Variants in EPB41L3 observed in about 807,000 individuals in gnomAD.
The protein encoded by EPB41L3 is erythrocyte membrane protein band 4.1 like 3.
In EPB41L3, 57 loss-of-function variants were observed where a neutral mutation model predicts 127.1. That is an observed-to-expected ratio of 0.45 (90% CI 0.36 to 0.56). The LOEUF is 0.56. Among genes scored for constraint, EPB41L3 ranks in the 20% least tolerant of loss-of-function variants. EPB41L3 has a pLI of 0.00. For missense variants in EPB41L3, 1,273 were observed against 1,372.2 expected, an observed-to-expected ratio of 0.93 and a Z score of 1.14; for synonymous variants, 572 against 549.5, an observed-to-expected ratio of 1.04 and a Z score of -0.57.
intron 1 of EPB41L3, among the ~76,000 whole-genome samples, chr18:5,538,736 C>T (rs1568534472): frequency 6.6e-6 from 1 of 152,168 alleles, no homozygotes; most frequent in South Asian, 2.1e-4. Context: ...CTCCATGACA[C>T]CAATTAGAGC....
rs762786244 is a variant in EPB41L3, at chr18:5,433,880, A to G, written c.824+23T>C. On this transcript the variant is annotated intron_variant, in intron 7 of 22. Coordinates refer to ENST00000341928, the MANE Select transcript of EPB41L3 (RefSeq NM_012307.5). ...ACTCTCCCATCAAGGCACAACTTAA[A>G]TGAACACCTTTCTGCCTCTAACCTG... 5.0e-6 allele frequency: 8 copies of G among 1,612,858 alleles called. No homozygotes were observed. The East Asian group carries it at 1.3e-4, about 27-fold the overall frequency.
intron 14 of EPB41L3, among the ~76,000 whole-genome samples, chr18:5,408,646 G>T (rs1191025215): frequency 1.4e-5 from 2 of 140,580 alleles, no homozygotes; most frequent in Non-Finnish European, 3.1e-5. Flanking sequence ...AACTAAGAAA[G>T]TTTTTTTTTT....
chr18:5,566,869 G>T lies in EPB41L3; in HGVS notation c.-306+45471C>A, dbSNP rs765901365. On this transcript the variant is annotated intron_variant, in intron 3 of 21. Coordinates refer to the EPB41L3 transcript ENST00000545076. The stretch of plus-strand genomic sequence containing the variant: ...TGCCCAGGCTTGAGAGTGCAGTGGC[G>T]CCAACGGCTCACTGCAACCTCTGCC... Among the ~76,000 whole-genome samples, 3 of 151,488 alleles carry T rather than the reference G, an allele frequency of 2.0e-5. No individual in the cohort carries two copies. The South Asian group carries it at 6.3e-4, about 32-fold the overall frequency.
intron 11 of EPB41L3, among the ~76,000 whole-genome samples, chr18:5,421,947 C>T (rs549581289): frequency 6.6e-6 from 1 of 152,106 alleles, no homozygotes; most frequent in African/African-American, 2.4e-5. Context: ...TGGCCAAAAA[C>T]CGACTGCTTG....
chr18:5,419,347 G>C (rs2077195113), intron 12 of EPB41L3, among the ~76,000 whole-genome samples: 1 of 152,132 alleles, frequency 6.6e-6, no homozygotes, highest in Non-Finnish European at 1.5e-5. Flanking sequence ...GCTGTACTTG[G>C]GTAGGAGAAT....
chr18:5,549,109 C>G (rs1250048708), upstream of EPB41L3, among the ~76,000 whole-genome samples: 1 of 152,348 alleles, frequency 6.6e-6, no homozygotes, highest in East Asian at 1.9e-4. Flanking sequence ...ATGCTATCTC[C>G]TCTTTAGGAA....
chr18:5,424,235 G>A, intron 10 of EPB41L3, 27 bp downstream of exon 10: 1 of 1,484,808 alleles, frequency 6.7e-7, no homozygotes, highest in South Asian at 1.3e-5. Context: ...TATTCCTTAG[G>A]GAAAAAACAA....
chr18:5,573,711 C>T (rs571344143), intron 3 of EPB41L3, among the ~76,000 whole-genome samples: 1 of 152,206 alleles, frequency 6.6e-6, no homozygotes, highest in African/African-American at 2.4e-5. Flanking sequence ...GGACCCTCAT[C>T]CCATGTAGAA....
Position 5,405,665 on chromosome 18 carries a change from G to A in EPB41L3, c.2349+1112C>T, listed in dbSNP as rs115770197. 7.9e-3 allele frequency among the ~76,000 whole-genome samples: 1,209 copies of A among 152,100 alleles called. 15 individuals carry two copies. Among genetic ancestry groups the A allele is most frequent in the African/African-American group, 0.028 (1,142 of 41,494 alleles). On this transcript the variant is annotated intron_variant, in intron 16 of 22. Coordinates refer to ENST00000341928, the MANE Select transcript of EPB41L3 (RefSeq NM_012307.5). ...AAATTAGCCAAGTGTGGTGGTGCCT[G>A]CTTGTAGTCCCAGCTACCCAGGAGG...
intron 1 of EPB41L3, among the ~76,000 whole-genome samples, chr18:5,494,317 A>G (rs1360977099): frequency 6.6e-6 from 1 of 152,016 alleles, no homozygotes; most frequent in African/African-American, 2.4e-5. Context: ...CCTAACTCCA[A>G]TCCACCTCAC....
intron 2 of EPB41L3, among the ~76,000 whole-genome samples, chr18:5,613,802 G>A (rs893868901): frequency 6.6e-6 from 1 of 152,192 alleles, no homozygotes; most frequent in Middle Eastern, 3.4e-3. Flanking sequence ...TTTACCCGAA[G>A]CTATTTTTGT....
upstream of EPB41L3, among the ~76,000 whole-genome samples, chr18:5,544,824 G>A (rs1363006404): frequency 6.6e-6 from 1 of 152,150 alleles, no homozygotes; most frequent in Non-Finnish European, 1.5e-5. Context: ...GATAATGCTT[G>A]AAGGATAGAT....
chr18:5,472,747 G>A (rs7237985), intron 3 of EPB41L3, among the ~76,000 whole-genome samples: 46,153 of 152,052 alleles, frequency 0.3, 7,106 homozygotes, highest in East Asian at 0.33. Flanking sequence ...GGAAGGCTAC[G>A]ATGTTGAATC....
intron 3 of EPB41L3, among the ~76,000 whole-genome samples, chr18:5,447,448 C>T (rs1026232640): frequency 4.4e-5 from 5 of 114,104 alleles, no homozygotes; most frequent in East Asian, 2.8e-4. Context: ...AGCTAGACTA[C>T]TTTTTTTTTT....
rs1555804088 is a variant in EPB41L3 at position 5,566,788 on chromosome 18, T to TTCCATTCC, written c.-306+45551_-306+45552insGGAATGGA. ...TATTCTATTCTATTCTATTCTATTC[T>TTCCATTCC]ATTCCATTCCATTCCATTCTAATTT... On this transcript the variant is annotated intron_variant, in intron 3 of 21. Coordinates refer to the EPB41L3 transcript ENST00000545076. 9.1e-4 allele frequency among the ~76,000 whole-genome samples: 102 copies of TTCCATTCC among 112,512 alleles called. 2 individuals are homozygous for TTCCATTCC. Among genetic ancestry groups the TTCCATTCC allele is most frequent in the Middle Eastern group, 4.9e-3 (1 of 204 alleles). 73.8% of individuals were successfully genotyped at this position (112,512 alleles called of 152,430 possible). A position where few individuals can be genotyped will look rare whatever the true frequency, so the allele number is the denominator to read the frequency against.
chr18:5,548,182 C>T (rs569070230), upstream of EPB41L3, among the ~76,000 whole-genome samples: 5 of 152,214 alleles, frequency 3.3e-5, no homozygotes, highest in Non-Finnish European at 5.9e-5. Context: ...CACAGCGTTA[C>T]TGGGGACCAT....
At chr18:5,617,529 G>A (rs1191157152) in intron 1 of EPB41L3, among the ~76,000 whole-genome samples, 8 of 151,930 alleles carry the variant, frequency 5.3e-5, no homozygotes, top group Admixed American at 4.6e-4. Flanking sequence ...CGTTTTAGCC[G>A]GGATGGTCTC....
At chr18:5,602,146 G>A (rs1381094578) in intron 3 of EPB41L3, among the ~76,000 whole-genome samples, 1 of 152,134 alleles carries the variant, frequency 6.6e-6, no homozygotes, top group Non-Finnish European at 1.5e-5. Context: ...TGATGGTAAA[G>A]AAGTTTGACC....
At position 5,419,785 on chromosome 18, in the gene EPB41L3, G is replaced by A. The variant is rs748736095; in HGVS notation, c.1432C>T (p.Arg478Trp). The A allele has an allele frequency of 5.6e-6, 9 of 1,614,058 alleles. No individual in the cohort carries two copies. Among genetic ancestry groups the A allele is most frequent in the South Asian group, 1.1e-5 (1 of 91,078 alleles). The change falls in exon 12 of 23, where the codon CGG becomes TGG. Residue 478 changes from arginine to tryptophan, a missense_variant. Transcript: ENST00000341928. The part of the protein sequence containing the change: ...VTPEKKAEEE[R>W]DEEEDKRRKG... ...CTCCGTTTGTCCTCTTCCTCGTCCC[G>A]CTCCTCCTCAGCCTTCTTCTCCGGA...
Sources: gnomAD v4.1 joint callset for allele counts (sites outside exome capture counted in the v4.1 genomes callset) on GRCh38, gnomAD v4.1.1 for gene constraint, MANE v1.5 for transcripts, NCBI Gene and HGNC (gene_info 2026-07-23, HGNC 2026-07-21) for gene names.